The following TAF1 variants were observed in gnomAD, a reference collection of about 807,000 sequenced individuals.
The protein encoded by TAF1 is transcription initiation factor TFIID subunit 1.
TAF1 carries 2 observed loss-of-function variants against 138.5 expected under a neutral mutation model. That is an observed-to-expected ratio of 0.01 (90% CI 0.01 to 0.05). The LOEUF (loss-of-function observed/expected upper bound fraction) is 0.05, where lower values mean the gene tolerates loss of function less well. Ranked by LOEUF, TAF1 falls within the 10% of genes least tolerant of loss-of-function variation. TAF1 has a pLI of 1.00. For synonymous variants in TAF1, 437 were observed against 503.2 expected, an observed-to-expected ratio of 0.87 and a Z score of 1.76; for missense variants, 709 against 1,478.0, an observed-to-expected ratio of 0.48 and a Z score of 8.53.
At chrX:71,399,251 CTCTTTTTT>C (rs2035027255) in intron 24 of TAF1, among the ~76,000 whole-genome samples, 2 of 95,360 alleles carry the variant, frequency 2.1e-5, no homozygotes, top group South Asian at 9.0e-4. Flanking sequence ...GTCATTTATT[CTCTTTTTT>C]TTTTTTTTTT....
chrX:71,479,440 C>T (rs930173243), intron 13 of TAF1, among the ~76,000 whole-genome samples: 5 of 111,255 alleles, frequency 4.5e-5, no homozygotes, highest in Non-Finnish European at 9.4e-5. Flanking sequence ...GGCGTGGTGG[C>T]GCATGCCTGC....
intron 32 of TAF1, among the ~76,000 whole-genome samples, chrX:71,452,665 C>T (rs1353621604): frequency 7.2e-5 from 8 of 111,788 alleles, no homozygotes; most frequent in Non-Finnish European, 1.3e-4. Context: ...AGGTGGCGGC[C>T]GGGCAGAGGC....
chrX:71,483,368 G>T (rs912871122), intron 13 of TAF1, among the ~76,000 whole-genome samples: 8 of 108,114 alleles, frequency 7.4e-5, no homozygotes, highest in African/African-American at 2.7e-4. Context: ...TAGCAATTCA[G>T]CCACATCTTC....
At chrX:71,385,365 A>T (rs1251319274) in intron 14 of TAF1, among the ~76,000 whole-genome samples, 1 of 111,896 alleles carries the variant, frequency 8.9e-6, no homozygotes, top group African/African-American at 3.2e-5. Flanking sequence ...TGAATATTTA[A>T]TTTTTGTGTA....
At chrX:71,488,856 C>T (rs1299586228) in intron 13 of TAF1, among the ~76,000 whole-genome samples, 2 of 109,173 alleles carry the variant, frequency 1.8e-5, no homozygotes, top group Non-Finnish European at 3.8e-5. Flanking sequence ...CACCTGAGGT[C>T]AGGAGTTCGA....
rs773301025 is a variant in TAF1, at chrX:71,376,938, T to TC, written c.473-10dup. 62 of 1,207,722 alleles carry TC rather than the reference T, an allele frequency of 5.1e-5. No individual in the cohort carries two copies. Among genetic ancestry groups the TC allele is most frequent in the Non-Finnish European group, 6.8e-5 (61 of 894,153 alleles). On this transcript the variant is annotated splice_polypyrimidine_tract_variant and intron_variant, in intron 4 of 37. Transcript: ENST00000423759. ...AGTTACATGCCAAAGGGGTTTCTCT[T>TC]CCTTGTTGCAGTGTCTGAAAATGGA...
intron 28 of TAF1, 132 bp downstream of exon 28, chrX:71,408,283 C>G: frequency 1.3e-6 from 1 of 769,103 alleles, no homozygotes; most frequent in Non-Finnish European, 1.8e-6. Flanking sequence ...GTATGAAAAT[C>G]AGGTAATGTA....
At chrX:71,528,101 T>A (rs190286070) in intron 13 of TAF1, 182 of 195,728 alleles carry the variant, frequency 9.3e-4, no homozygotes, top group Non-Finnish European at 1.5e-3. Context: ...AAGCAAAACC[T>A]ACCATTCGAG....
intron 35 of TAF1, among the ~76,000 whole-genome samples, chrX:71,458,579 G>C (rs1166232159): frequency 9.0e-6 from 1 of 111,568 alleles, no homozygotes; most frequent in African/African-American, 3.3e-5. Context: ...GGTAGAGTCA[G>C]GCACAGCAGA....
At position 71,367,702 on chromosome X, in the gene TAF1, G is replaced by T. The variant is rs1265644468; in HGVS notation, c.235+89G>T. On this transcript the variant is annotated intron_variant, in intron 2 of 37. Coordinates refer to ENST00000423759, the MANE Select transcript of TAF1 (RefSeq NM_004606.5). ...TTTTGTGTGTGTAAGACGGAGTTTCGCTCTGTCTCCGAGGTTGGAGTGCAG... is the reference window on the plus strand; with the variant it reads ...TTTTGTGTGTGTAAGACGGAGTTTCTCTCTGTCTCCGAGGTTGGAGTGCAG... The T allele has an allele frequency of 2.9e-6, 3 of 1,032,413 alleles. No individual in the cohort carries two copies. The South Asian group carries it at 6.6e-5, about 23-fold the overall frequency. 85.1% of individuals were successfully genotyped at this position (1,032,413 alleles called of 1,213,427 possible). A position where few individuals can be genotyped will look rare whatever the true frequency, so the allele number is the denominator to read the frequency against.
At chrX:71,402,212 A>G (rs903608259) in intron 25 of TAF1, among the ~76,000 whole-genome samples, 3 of 111,805 alleles carry the variant, frequency 2.7e-5, no homozygotes, top group Admixed American at 1.9e-4. Context: ...GGTTCAAGCG[A>G]TTCTCACGCC....
intron 8 of TAF1, 50 bp downstream of exon 8, chrX:71,379,081 T>A: frequency 2.1e-6 from 2 of 944,166 alleles, no homozygotes; most frequent in Non-Finnish European, 3.0e-6. Flanking sequence ...TTAATCTTAG[T>A]CACCATAAGT....
chrX:71,420,468 T>C (rs1305444354), intron 28 of TAF1: 7 of 1,207,096 alleles, frequency 5.8e-6, no homozygotes, highest in Non-Finnish European at 7.8e-6. Context: ...ATAGTCAACA[T>C]TGCCAACATA....
chrX:71,366,516 T>TG, intron 1 of TAF1, 22 bp downstream of exon 1: 4 of 305,171 alleles, frequency 1.3e-5, no homozygotes, highest in Non-Finnish European at 1.7e-5. Context: ...GGCGTGGGGG[T>TG]AGGGCTCGGG....
chrX:71,459,266 A>G lies in TAF1; in HGVS notation c.5065-286A>G, dbSNP rs369507176. On this transcript the variant is annotated intron_variant, in intron 35 of 37. Transcript: ENST00000423759. ...CTCCAGCCCCAGTGAGTATGCTTAT[A>G]GAAAGCTTATGGTTACGTTATGCCC... The G allele has an allele frequency of 6.5e-5, 74 of 1,135,515 alleles. No homozygotes were observed. The African/African-American group carries it at 1.3e-3, about 20-fold the overall frequency. The allele number at this position is 1,135,515 out of a possible 1,213,427, so 93.6% of individuals were successfully genotyped here. A position where few individuals can be genotyped will look rare whatever the true frequency, so the allele number is the denominator to read the frequency against.
chrX:71,520,075 A>G (rs1365638650), intron 13 of TAF1, among the ~76,000 whole-genome samples: 2 of 109,827 alleles, frequency 1.8e-5, no homozygotes, highest in African/African-American at 6.6e-5. Context: ...CGGCCTCCCA[A>G]AGTGTTGGGA....
intron 37 of TAF1, among the ~76,000 whole-genome samples, chrX:71,461,985 ACACAGGCATGAAACACTT>A (rs1361390997): frequency 4.5e-5 from 5 of 111,886 alleles, no homozygotes; most frequent in Admixed American, 1.9e-4. Context: ...CTATATGAAG[ACACAGGCATGAAACACTT>A]CACAGGCATG....
intron 8 of TAF1, among the ~76,000 whole-genome samples, chrX:71,379,344 G>T (rs776466147): frequency 9.2e-6 from 1 of 108,393 alleles, no homozygotes; most frequent in Non-Finnish European, 1.9e-5. Flanking sequence ...TCGAACTCCC[G>T]ACCTCAGGTG....
At chrX:71,468,760 A>G (rs2038821601), downstream of TAF1, among the ~76,000 whole-genome samples, 1 of 110,018 alleles carries the variant, frequency 9.1e-6, no homozygotes, top group Non-Finnish European at 1.9e-5. Context: ...TGGGAGGCCA[A>G]GGTGGGCAGG....
Sources: gnomAD v4.1 joint callset for allele counts (sites outside exome capture counted in the v4.1 genomes callset) on GRCh38, gnomAD v4.1.1 for gene constraint, MANE v1.5 for transcripts, NCBI Gene and HGNC (gene_info 2026-07-23, HGNC 2026-07-21) for gene names.